ZBTB20: variants seen among roughly 807,000 people sequenced by gnomAD.
ZBTB20 encodes the protein zinc finger and BTB domain-containing protein 20.
Under a neutral mutation model 56.9 loss-of-function variants are expected in ZBTB20, and 9 were observed. The observed-to-expected ratio is 0.16, with a 90% CI of 0.10 to 0.28. The LOEUF is 0.28. Among genes scored for constraint, ZBTB20 ranks in the 10% least tolerant of loss-of-function variants. The pLI is 1.00. For missense variants in ZBTB20, 655 were observed against 1,003.0 expected (o/e 0.65, Z 4.69); for synonymous variants, 417 against 420.7 (o/e 0.99, Z 0.11).
At chr3:114,548,808 C>G (rs1040558280) in intron 6 of ZBTB20, among the ~76,000 whole-genome samples, 2 of 152,256 alleles carry the variant, frequency 1.3e-5, no homozygotes, top group East Asian at 3.9e-4. Context: ...CGTGAGCCAC[C>G]ACACTTGGCC....
intron 1 of ZBTB20, among the ~76,000 whole-genome samples, chr3:115,138,795 T>C (rs1328941696): frequency 6.6e-6 from 1 of 152,116 alleles, no homozygotes; most frequent in Non-Finnish European, 1.5e-5. Flanking sequence ...CTATTGGTGT[T>C]GGTGGTGTGA....
chr3:114,404,062 TC>T (rs1392806845), intron 7 of ZBTB20, among the ~76,000 whole-genome samples: 1 of 152,212 alleles, frequency 6.6e-6, no homozygotes, highest in Admixed American at 6.5e-5. Flanking sequence ...TTTCTCCTGC[TC>T]CGTGCCTATG....
intron 10 of ZBTB20, among the ~76,000 whole-genome samples, chr3:114,355,811 A>T (rs2108264387): frequency 6.6e-6 from 1 of 151,900 alleles, no homozygotes; most frequent in East Asian, 1.9e-4. Flanking sequence ...TTGGCACTGA[A>T]TAGGCATTTG....
intron 2 of ZBTB20, among the ~76,000 whole-genome samples, chr3:114,988,490 C>T (rs371236882): frequency 6.6e-6 from 1 of 151,956 alleles, no homozygotes; most frequent in South Asian, 2.1e-4. Context: ...TTTCTTAATC[C>T]AGTCTATCAT....
At chr3:114,834,765 C>T (rs940473506) in intron 4 of ZBTB20, among the ~76,000 whole-genome samples, 1 of 152,008 alleles carries the variant, frequency 6.6e-6, no homozygotes, top group African/African-American at 2.4e-5. Flanking sequence ...TGGCAAGAGT[C>T]CCGTTCTTTG....
intron 2 of ZBTB20, among the ~76,000 whole-genome samples, chr3:115,067,646 G>C (rs1261297034): frequency 6.6e-6 from 1 of 151,738 alleles, no homozygotes; most frequent in African/African-American, 2.4e-5. Flanking sequence ...TTCTTACCTA[G>C]AACTCTGATC....
chr3:114,716,549 T>A (rs1418659830), intron 5 of ZBTB20, among the ~76,000 whole-genome samples: 1 of 152,162 alleles, frequency 6.6e-6, no homozygotes, highest in East Asian at 1.9e-4. Flanking sequence ...CTGTGCCATC[T>A]CTTCTCCCAC....
In ZBTB20 at chr3:114,763,202, G is replaced by A. The variant is rs1428521029; in HGVS notation, c.-343+37899C>T. Among the ~76,000 whole-genome samples, 11 of 152,200 alleles carry A rather than the reference G, an allele frequency of 7.2e-5. No individual in the cohort carries two copies. The East Asian group carries it at 1.2e-3, about 16-fold the overall frequency. ...TAATGGGCTGTATATTTGGTTGAGA[G>A]TTAAAAATCTAAAGTTTTCTCAGAG... On this transcript the variant is annotated intron_variant, in intron 5 of 11. Coordinates refer to ENST00000675478, the MANE Select transcript of ZBTB20 (RefSeq NM_001348800.3).
intron 6 of ZBTB20, among the ~76,000 whole-genome samples, chr3:114,587,517 A>T (rs138468878): frequency 6.6e-5 from 10 of 152,322 alleles, no homozygotes; most frequent in African/African-American, 2.4e-4. Context: ...ATTGTGAATG[A>T]TCCTGTGCCA....
intron 5 of ZBTB20, among the ~76,000 whole-genome samples, chr3:114,726,729 G>A (rs1490089060): frequency 6.7e-6 from 1 of 150,312 alleles, no homozygotes; most frequent in Admixed American, 6.7e-5. Context: ...TGGCTAACAT[G>A]GTGAAACCCC....
chr3:114,387,134 G>A (rs1378786171), intron 8 of ZBTB20: 4 of 136,800 alleles, frequency 2.9e-5, no homozygotes, highest in Middle Eastern at 3.6e-3. Flanking sequence ...CAGGGCCACT[G>A]AGCATTATTG....
At chr3:114,890,065 G>A (rs2076748781) in intron 4 of ZBTB20, among the ~76,000 whole-genome samples, 1 of 152,092 alleles carries the variant, frequency 6.6e-6, no homozygotes, top group South Asian at 2.1e-4. Flanking sequence ...TGATAACAGA[G>A]AAACTTAAAT....
intron 11 of ZBTB20, among the ~76,000 whole-genome samples, chr3:114,347,924 C>T (rs1293359887): frequency 6.6e-6 from 1 of 152,178 alleles, no homozygotes; most frequent in African/African-American, 2.4e-5. Flanking sequence ...AAGCATAACT[C>T]AGATTTATAA....
intron 3 of ZBTB20, among the ~76,000 whole-genome samples, chr3:114,907,326 T>C (rs1469269346): frequency 1.3e-5 from 2 of 151,874 alleles, no homozygotes; most frequent in Non-Finnish European, 2.9e-5. Context: ...TCATACTTAG[T>C]TGCTTTCAGT....
intron 6 of ZBTB20, among the ~76,000 whole-genome samples, chr3:114,522,174 A>G (rs2046713794): frequency 6.6e-6 from 1 of 152,220 alleles, no homozygotes; most frequent in African/African-American, 2.4e-5. Context: ...TAAATGTTAA[A>G]TACAGTGGTT....
chr3:114,349,236 G>C (rs2080444784), intron 11 of ZBTB20, among the ~76,000 whole-genome samples: 1 of 150,308 alleles, frequency 6.7e-6, no homozygotes, highest in Non-Finnish European at 1.5e-5. Flanking sequence ...CAAATATAAT[G>C]ATCATCACTG....
chr3:114,695,806 T>C (rs1367355038), intron 5 of ZBTB20, among the ~76,000 whole-genome samples: 1 of 152,040 alleles, frequency 6.6e-6, no homozygotes, highest in Non-Finnish European at 1.5e-5. Flanking sequence ...GGCACCTACA[T>C]GCAAAACTGC....
intron 6 of ZBTB20, among the ~76,000 whole-genome samples, chr3:114,564,744 G>A (rs963722856): frequency 3.3e-5 from 5 of 152,140 alleles, no homozygotes; most frequent in African/African-American, 1.2e-4. Flanking sequence ...AAAGGCACAC[G>A]TGTTTAGCTG....
chr3:114,357,484 A>G (rs1020778169), intron 10 of ZBTB20, among the ~76,000 whole-genome samples: 10 of 152,190 alleles, frequency 6.6e-5, no homozygotes, highest in African/African-American at 2.4e-4. Context: ...TATGCCTTTA[A>G]TATTACCTGA....
Sources: gnomAD v4.1 joint callset for allele counts (sites outside exome capture counted in the v4.1 genomes callset) on GRCh38, gnomAD v4.1.1 for gene constraint, MANE v1.5 for transcripts, NCBI Gene and HGNC (gene_info 2026-07-23, HGNC 2026-07-21) for gene names.